Variants in FAM133B observed in about 807,000 individuals in gnomAD.
FAM133B encodes family with sequence similarity 133 member B.
In FAM133B, 25 loss-of-function variants were observed where a neutral mutation model predicts 46.4. The observed-to-expected ratio is 0.54, with a 90% CI of 0.39 to 0.75. The LOEUF (loss-of-function observed/expected upper bound fraction) is 0.75, where lower values mean the gene tolerates loss of function less well. FAM133B is among the 30% of genes least tolerant of loss of function. The pLI, the probability that FAM133B is intolerant of heterozygous loss-of-function variation, is 0.00. For synonymous variants in FAM133B, 75 were observed against 86.0 expected (o/e 0.87, Z 0.71); for missense variants, 205 against 277.6 (o/e 0.74, Z 1.86).
At chr7:92,589,361 G>T (rs1369613342) in intron 1 of FAM133B, among the ~76,000 whole-genome samples, 3 of 152,192 alleles carry the variant, frequency 2.0e-5, no homozygotes, top group African/African-American at 4.8e-5. Context: ...CTTTTCTTTT[G>T]AATGCCTTTA....
At chr7:92,581,461 A>G in intron 2 of FAM133B, 45 bp downstream of exon 2, 1 of 1,502,990 alleles carries the variant, frequency 6.7e-7, no homozygotes, top group Admixed American at 1.8e-5. Context: ...TAAACTTTAA[A>G]AAGTTGATAA....
chr7:92,572,109 C>T (rs1794549951), intron 8 of FAM133B, among the ~76,000 whole-genome samples: 1 of 151,994 alleles, frequency 6.6e-6, no homozygotes, highest in Non-Finnish European at 1.5e-5. Context: ...GACACAAAAA[C>T]AAAGTAAAGA....
At chr7:92,587,187 C>CT (rs1430963693) in intron 1 of FAM133B, among the ~76,000 whole-genome samples, 4 of 152,168 alleles carry the variant, frequency 2.6e-5, no homozygotes, top group East Asian at 3.9e-4. Flanking sequence ...TTCACTGGGG[C>CT]TTTTTTTGGA....
intron 1 of FAM133B, among the ~76,000 whole-genome samples, chr7:92,583,931 C>A (rs1049837444): frequency 6.6e-6 from 1 of 150,768 alleles, no homozygotes; most frequent in African/African-American, 2.4e-5. Flanking sequence ...TGCCTATAAT[C>A]TCAGCCTACT....
At chr7:92,583,753 T>C (rs891123332) in intron 1 of FAM133B, among the ~76,000 whole-genome samples, 73 of 152,020 alleles carry the variant, frequency 4.8e-4, no homozygotes, top group Admixed American at 2.0e-3. Flanking sequence ...TATTATTTTT[T>C]AAAAGACAGG....
chr7:92,567,991 C>T (rs1230023694), intron 9 of FAM133B, among the ~76,000 whole-genome samples: 21 of 152,018 alleles, frequency 1.4e-4, no homozygotes, highest in Admixed American at 1.2e-3. Flanking sequence ...CTTTAACTCC[C>T]GACCTCAGGT....
chr7:92,579,482 C>G (rs1794801971), intron 2 of FAM133B, 87 bp from the exon 3 acceptor site: 6 of 869,470 alleles, frequency 6.9e-6, no homozygotes, highest in Admixed American at 5.7e-5. Context: ...TTCATAAACT[C>G]TTCTAAATAT....
At position 92,569,922 on chromosome 7, in the gene FAM133B, A is replaced by T; in HGVS notation, c.517-7T>A. The T allele has an allele frequency of 8.0e-7, 1 of 1,252,276 alleles. No homozygotes were observed. The highest frequency in any genetic ancestry group is 1.1e-6 in the Non-Finnish European group (1 of 947,590). 77.6% of individuals were successfully genotyped at this position (1,252,276 alleles called of 1,614,324 possible). A position where few individuals can be genotyped will look rare whatever the true frequency, so the allele number is the denominator to read the frequency against. On this transcript the variant is annotated splice_region_variant and splice_polypyrimidine_tract_variant and intron_variant, in intron 8 of 10. Transcript: ENST00000445716. ...TGCTGAGTCCTTTAATATCCTATGA[A>T]AAATAAATACATTTATCTTGACTCA...
chr7:92,584,061 A>AAAG (rs1794968273), intron 1 of FAM133B, among the ~76,000 whole-genome samples: 1 of 150,238 alleles, frequency 6.7e-6, no homozygotes, highest in African/African-American at 2.4e-5. Context: ...AAAAAAAAAA[A>AAAG]AAAAAAAAAA....
At chr7:92,584,442 A>G (rs1254330532) in intron 1 of FAM133B, among the ~76,000 whole-genome samples, 2 of 152,212 alleles carry the variant, frequency 1.3e-5, no homozygotes, top group East Asian at 3.8e-4. Context: ...AGTAAACAAT[A>G]TAAAACCAGC....
chr7:92,573,584 AT>A (rs963590707), intron 8 of FAM133B, among the ~76,000 whole-genome samples: 2 of 151,664 alleles, frequency 1.3e-5, no homozygotes. Context: ...TGTATCTAAT[AT>A]TTTAAGTACT....
intron 1 of FAM133B, chr7:92,589,998 CA>C: frequency 1.8e-6 from 1 of 549,510 alleles, no homozygotes; most frequent in Non-Finnish European, 3.2e-6. Context: ...GGCCCGCGTA[CA>C]GCAGGCAAGA....
intron 7 of FAM133B, among the ~76,000 whole-genome samples, chr7:92,576,544 C>T (rs1257153045): frequency 1.3e-5 from 2 of 152,176 alleles, no homozygotes; most frequent in Non-Finnish European, 2.9e-5. Context: ...TCCATAAACA[C>T]CCCAGTATCA....
At chr7:92,573,163 CT>C (rs376920507) in intron 8 of FAM133B, among the ~76,000 whole-genome samples, 593 of 118,342 alleles carry the variant, frequency 5.0e-3, no homozygotes, top group South Asian at 0.012. Context: ...AGTTTGGGGA[CT>C]TTTTTTTTTT....
intron 1 of FAM133B, among the ~76,000 whole-genome samples, chr7:92,582,077 T>G (rs1408168015): frequency 6.6e-6 from 1 of 152,004 alleles, no homozygotes; most frequent in Non-Finnish European, 1.5e-5. Flanking sequence ...GGTGAAACCC[T>G]GCCTCTACTA....
chr7:92,575,128 A>G (rs565778176), intron 8 of FAM133B, among the ~76,000 whole-genome samples: 112 of 152,336 alleles, frequency 7.4e-4, no homozygotes, highest in Non-Finnish European at 1.4e-3. Flanking sequence ...AGATTTTTCA[A>G]TATTTATCTA....
chr7:92,576,292 A>C (rs1403908209), intron 7 of FAM133B, among the ~76,000 whole-genome samples: 1 of 152,204 alleles, frequency 6.6e-6, no homozygotes, highest in Non-Finnish European at 1.5e-5. Flanking sequence ...TGAGTTAATA[A>C]ATTAAGTGCT....
At chr7:92,590,199 A>T (rs1403259793) in intron 1 of FAM133B, 69 bp downstream of exon 1, 2 of 1,611,908 alleles carry the variant, frequency 1.2e-6, no homozygotes, top group Non-Finnish European at 8.5e-7. Flanking sequence ...GGCCGGGAAC[A>T]GCGAGGGTTC....
intron 10 of FAM133B, among the ~76,000 whole-genome samples, chr7:92,563,129 G>T (rs1204875914): frequency 6.6e-6 from 1 of 152,118 alleles, no homozygotes; most frequent in Non-Finnish European, 1.5e-5. Context: ...CTAGTGTACT[G>T]ATATTCAAGA....
Sources: gnomAD v4.1 joint callset for allele counts (sites outside exome capture counted in the v4.1 genomes callset) on GRCh38, gnomAD v4.1.1 for gene constraint, MANE v1.5 for transcripts, NCBI Gene and HGNC (gene_info 2026-07-23, HGNC 2026-07-21) for gene names.